Variants in APBA2 observed in about 807,000 individuals in gnomAD.
The protein encoded by APBA2 is amyloid-beta A4 precursor protein-binding family A member 2.
APBA2 carries 30 observed loss-of-function variants against 75.0 expected under a neutral mutation model. That is an observed-to-expected ratio of 0.40 (90% CI 0.30 to 0.54). APBA2 has a LOEUF of 0.54. Among genes scored for constraint, APBA2 ranks in the 20% least tolerant of loss-of-function variants. The probability of loss-of-function intolerance (pLI) is 0.49; values close to 1 mark genes in which losing one functional copy is unlikely to be tolerated. For synonymous variants in APBA2, 444 were observed against 409.6 expected (o/e 1.08, Z -1.01); for missense variants, 801 against 1,016.1 (o/e 0.79, Z 2.88).
rs577331861 is a variant in APBA2 at position 28,960,459 on chromosome 15, T to C, written c.-94-35294T>C. On this transcript the variant is annotated intron_variant, in intron 2 of 14. Coordinates refer to ENST00000683413, the MANE Select transcript of APBA2 (RefSeq NM_001353788.2). ...GTCTGGGTGATAAAGCAAGACCTTGTCTCAAAAAAAAAAAAAAGAGCACTT... is the reference window on the plus strand; with the variant it reads ...GTCTGGGTGATAAAGCAAGACCTTGCCTCAAAAAAAAAAAAAAGAGCACTT... Among the ~76,000 whole-genome samples, 160 of 129,028 alleles carry C rather than the reference T, an allele frequency of 1.2e-3. 1 individual carries two copies. Among genetic ancestry groups the C allele is most frequent in the African/African-American group, 6.7e-3 (159 of 23,702 alleles). The allele number at this position is 129,028 out of a possible 152,430, so 84.6% of individuals were successfully genotyped here. A position where few individuals can be genotyped will look rare whatever the true frequency, so the allele number is the denominator to read the frequency against.
rs1334836276 is a variant in APBA2, at chr15:29,113,935, C to G, written c.2097C>G (p.Arg699=). 6.2e-7 allele frequency: 1 copy of G among 1,613,578 alleles called. No homozygotes were observed. Among genetic ancestry groups the G allele is most frequent in the South Asian group, 1.1e-5 (1 of 91,088 alleles). ...GAGGGGGCGTCCGTGTGGGCCACCG[C>G]ATCATCGAGATCAACGGGCAGAGCG... ...AERGGVRVGH[R]IIEINGQSVV... is the part of the protein sequence containing the mutation. The change falls in exon 14 of 15, where the codon CGC becomes CGG. Residue 699 remains arginine, a synonymous_variant. Transcript: ENST00000683413.
chr15:28,888,428 T>C (rs1301347573), intron 1 of APBA2, among the ~76,000 whole-genome samples: 6 of 152,158 alleles, frequency 3.9e-5, no homozygotes, highest in Non-Finnish European at 8.8e-5. Flanking sequence ...TGGTGAGGGC[T>C]GTTGGAGTGG....
intron 13 of APBA2, among the ~76,000 whole-genome samples, chr15:29,111,330 T>G (rs1479768117): frequency 6.6e-6 from 1 of 151,994 alleles, no homozygotes; most frequent in South Asian, 2.1e-4. Context: ...TCCCTGTCTG[T>G]GAAATGGGGT....
chr15:28,923,596 C>CA (rs1403135244), intron 2 of APBA2, among the ~76,000 whole-genome samples: 1 of 151,964 alleles, frequency 6.6e-6, no homozygotes, highest in Non-Finnish European at 1.5e-5. Context: ...GGAGGGGCCT[C>CA]AGCGCTCAGC....
Position 29,113,954 on chromosome 15 carries a change from C to T in APBA2, c.2116C>T (p.Gln706Ter). Residue 706 changes from glutamine (Q) to a stop codon, truncating the protein, a stop_gained, in exon 14 of 15, where the codon CAG becomes TAG. Coordinates refer to ENST00000683413, the MANE Select transcript of APBA2 (RefSeq NM_001353788.2). LOFTEE classifies it high-confidence loss of function. ...CCACCGCATCATCGAGATCAACGGG[C>T]AGAGCGTGGTGGCCACAGCCCACGA... ...VGHRIIEING[Q>*]SVVATAHEKI... 1 of 1,613,670 alleles carries T rather than the reference C, an allele frequency of 6.2e-7. No homozygotes were observed. The highest frequency in any genetic ancestry group is 1.7e-5 in the Admixed American group (1 of 60,032).
chr15:28,890,505 C>A (rs1455397546), intron 1 of APBA2, among the ~76,000 whole-genome samples: 2 of 152,234 alleles, frequency 1.3e-5, no homozygotes, highest in Non-Finnish European at 2.9e-5. Context: ...GGGCTCCCAG[C>A]CACTCTGCTT....
intron 1 of APBA2, among the ~76,000 whole-genome samples, chr15:28,892,072 A>ATT (rs1567410830): frequency 3.8e-5 from 5 of 132,024 alleles, no homozygotes; most frequent in Non-Finnish European, 8.0e-5. Flanking sequence ...TGTTATATAT[A>ATT]ATATATATAT....
chr15:29,056,602 C>CTTCCT (rs1219021974), intron 4 of APBA2, among the ~76,000 whole-genome samples: 1 of 2,548 alleles, frequency 3.9e-4, no homozygotes, highest in East Asian at 0.036. Flanking sequence ...CCCTCCCTCC[C>CTTCCT]TCCCTCCCTC....
chr15:29,067,260 A>G (rs2152914160), intron 4 of APBA2, among the ~76,000 whole-genome samples: 1 of 152,346 alleles, frequency 6.6e-6, no homozygotes, highest in East Asian at 1.9e-4. Flanking sequence ...ACAAATATCC[A>G]AACTATATCA....
Position 29,106,711 on chromosome 15 carries a change from C to T in APBA2, c.1809C>T (p.Gly603=), listed in dbSNP as rs8032178. ...TGATCCTGGCCAACATGATGAATGG[C>T]GGCCCGGCTGCCCGCTCGGGGAAGC... The part of the protein sequence containing the change: ...PTVILANMMN[G]GPAARSGKLS... Residue 603 remains glycine (G), a synonymous_variant, in exon 12 of 15, where the codon GGC becomes GGT. Transcript: ENST00000683413. The T allele has an allele frequency of 9.6e-3, 15,508 of 1,612,946 alleles. 1,298 individuals are homozygous for T. In the African/African-American group the frequency reaches 0.18, roughly 19 times the overall value.
At chr15:28,915,115 C>CACCCCATATAT in intron 1 of APBA2, among the ~76,000 whole-genome samples, 1 of 129,976 alleles carries the variant, frequency 7.7e-6, no homozygotes, top group Non-Finnish European at 1.6e-5. Context: ...ACCTCACACA[C>CACCCCATATAT]ACCACACACT....
chr15:28,915,522 C>CACACACCCCATAGACACCAT (rs1295209159), intron 1 of APBA2, among the ~76,000 whole-genome samples: 11 of 151,088 alleles, frequency 7.3e-5, no homozygotes, highest in Non-Finnish European at 1.5e-4. Context: ...CCACACACCA[C>CACACACCCCATAGACACCAT]ACACACCCCA....
chr15:29,031,111 C>T (rs1444395879), intron 3 of APBA2, among the ~76,000 whole-genome samples: 1 of 151,830 alleles, frequency 6.6e-6, no homozygotes, highest in African/African-American at 2.4e-5. Flanking sequence ...GTATCTTTTC[C>T]TATACTTTTA....
chr15:29,045,077 C>T (rs1043857386), intron 3 of APBA2, among the ~76,000 whole-genome samples: 1 of 113,704 alleles, frequency 8.8e-6, no homozygotes, highest in Non-Finnish European at 1.5e-5. Flanking sequence ...CCTTCTCTCT[C>T]TCTCTCTCTC....
At chr15:29,110,010 G>A (rs1412946782) in intron 13 of APBA2, among the ~76,000 whole-genome samples, 1 of 152,210 alleles carries the variant, frequency 6.6e-6, no homozygotes, top group Non-Finnish European at 1.5e-5. Flanking sequence ...GGCTCTGCCT[G>A]ACTGCTCTGC....
chr15:29,102,166 CAT>C (rs1230991838), intron 10 of APBA2: 3 of 354,554 alleles, frequency 8.5e-6, no homozygotes, highest in African/African-American at 2.1e-5. Context: ...CACATCTGCA[CAT>C]GAGGCTTAGT....
At chr15:28,912,450 T>C (rs918010085) in intron 1 of APBA2, among the ~76,000 whole-genome samples, 5 of 152,226 alleles carry the variant, frequency 3.3e-5, no homozygotes, top group African/African-American at 1.2e-4. Context: ...GGGTACCACA[T>C]CCAGTCCCAG....
chr15:28,989,925 C>A (rs1264284757), intron 2 of APBA2, among the ~76,000 whole-genome samples: 1 of 152,168 alleles, frequency 6.6e-6, no homozygotes, highest in Non-Finnish European at 1.5e-5. Context: ...TCACACTGTT[C>A]CCTGATTTCT....
intron 2 of APBA2, among the ~76,000 whole-genome samples, chr15:28,922,449 G>C (rs2152672496): frequency 6.6e-6 from 1 of 152,268 alleles, no homozygotes; most frequent in Non-Finnish European, 1.5e-5. Context: ...TCTGGTTGTG[G>C]GAGCAGCTCA....
Sources: allele counts gnomAD v4.1 joint callset (sites outside exome capture counted in the v4.1 genomes callset), GRCh38; gene constraint gnomAD v4.1.1; transcripts MANE v1.5; gene names NCBI Gene and HGNC (gene_info 2026-07-23, HGNC 2026-07-21).